The following ZNF407 variants were observed in gnomAD, a reference collection of about 807,000 sequenced individuals.
ZNF407 encodes zinc finger protein 407.
In ZNF407, 17 loss-of-function variants were observed where a neutral mutation model predicts 131.2. The observed-to-expected ratio is 0.13, with a 90% CI of 0.09 to 0.19. The LOEUF (loss-of-function observed/expected upper bound fraction) is 0.19, where lower values mean the gene tolerates loss of function less well. ZNF407 is among the 10% of genes least tolerant of loss of function. ZNF407 has a pLI of 1.00. For synonymous variants in ZNF407, 1,156 were observed against 1,062.0 expected (o/e 1.09, Z -1.72); for missense variants, 2,681 against 2,830.6 (o/e 0.95, Z 1.20).
intron 3 of ZNF407, among the ~76,000 whole-genome samples, chr18:74,729,616 A>G (rs1485617267): frequency 6.6e-6 from 1 of 152,146 alleles, no homozygotes; most frequent in East Asian, 1.9e-4. Flanking sequence ...TCTGTAGGGT[A>G]GAACATAGGT....
chr18:74,991,035 AG>A (rs1282803657), intron 8 of ZNF407, among the ~76,000 whole-genome samples: 1 of 152,204 alleles, frequency 6.6e-6, no homozygotes, highest in Non-Finnish European at 1.5e-5. Flanking sequence ...GCATACACCC[AG>A]GGGCATTAGC....
At chr18:74,864,166 A>G (rs1478737614) in intron 4 of ZNF407, among the ~76,000 whole-genome samples, 1 of 151,804 alleles carries the variant, frequency 6.6e-6, no homozygotes, top group Non-Finnish European at 1.5e-5. Context: ...TTCAAAGATT[A>G]CTCTTTGATT....
chr18:74,838,592 CAA>C, intron 4 of ZNF407, among the ~76,000 whole-genome samples: 1 of 152,082 alleles, frequency 6.6e-6, no homozygotes. Flanking sequence ...GTAAGCTACT[CAA>C]AGTTTTTTTT....
At position 75,064,321 on chromosome 18, in the gene ZNF407, G is replaced by T; in HGVS notation, c.6600G>T (p.Leu2200=). The stretch of plus-strand genomic sequence containing the variant: ...AGACTGCGGACTCGCAGGAACTCCT[G>T]CAGGCCGGGGCCACGCTAGGCACAG... ...VLETADSQEL[L]QAGATLGTEA... The change falls in exon 9 of 9, where the codon CTG becomes CTT. Residue 2200 remains leucine, a synonymous_variant. Transcript: ENST00000299687. The T allele has an allele frequency of 6.3e-7, 1 of 1,598,322 alleles. No individual in the cohort carries two copies.
chr18:75,041,421 C>T lies in ZNF407; in HGVS notation c.5429-21729C>T, dbSNP rs1973371125. 5.9e-5 allele frequency among the ~76,000 whole-genome samples: 9 copies of T among 152,208 alleles called. No homozygotes were observed. In the South Asian group the frequency reaches 1.9e-3, roughly 32 times the overall value. ...CTGTTGTCCACACACATGCACTTTCCGTCTCTTCTTACCTCTCACACACAC... is the reference window on the plus strand; with the variant it reads ...CTGTTGTCCACACACATGCACTTTCTGTCTCTTCTTACCTCTCACACACAC... On this transcript the variant is annotated intron_variant, in intron 8 of 8. Transcript: ENST00000299687.
chr18:74,821,493 T>A (rs868842201), intron 4 of ZNF407, among the ~76,000 whole-genome samples: 1 of 150,258 alleles, frequency 6.7e-6, no homozygotes, highest in Non-Finnish European at 1.5e-5. Flanking sequence ...ATTGTTCAAC[T>A]CCCACTTATG....
chr18:75,021,333 A>G (rs543126977), intron 8 of ZNF407, among the ~76,000 whole-genome samples: 1 of 151,468 alleles, frequency 6.6e-6, no homozygotes, highest in East Asian at 1.9e-4. Flanking sequence ...CAGTGGTGCA[A>G]TCATGGCTCA....
intron 4 of ZNF407, among the ~76,000 whole-genome samples, chr18:74,790,459 G>T (rs12959689): frequency 0.14 from 20,759 of 152,070 alleles, 2,539 homozygotes; most frequent in African/African-American, 0.33. Flanking sequence ...ACTCAGATTT[G>T]GGGTATAAGA....
intron 1 of ZNF407, among the ~76,000 whole-genome samples, chr18:74,619,463 T>A (rs1302344447): frequency 6.6e-6 from 1 of 152,260 alleles, no homozygotes; most frequent in Admixed American, 6.5e-5. Context: ...ATATGTTATA[T>A]GCTTTATCCT....
intron 6 of ZNF407, among the ~76,000 whole-genome samples, chr18:74,888,253 G>A (rs1327603863): frequency 1.3e-5 from 2 of 151,696 alleles, no homozygotes; most frequent in Non-Finnish European, 2.9e-5. Context: ...TTGAGAACAG[G>A]GGAGTGAGGT....
intron 1 of ZNF407, among the ~76,000 whole-genome samples, chr18:74,602,281 G>A (rs538939979): frequency 1.3e-5 from 2 of 152,334 alleles, no homozygotes; most frequent in African/African-American, 4.8e-5. Flanking sequence ...ACTGAAGGGA[G>A]AACCTTTTGC....
rs1465407403 is a variant in ZNF407 at position 74,889,989 on chromosome 18, C to T, written c.5200C>T (p.Arg1734Cys). The T allele has an allele frequency of 6.2e-7, 1 of 1,606,150 alleles. No individual in the cohort carries two copies. The highest frequency in any genetic ancestry group is 8.5e-7 in the Non-Finnish European group (1 of 1,176,084). The change falls in exon 7 of 9, where the codon CGT (arginine) becomes TGT (cysteine). Residue 1734 changes from arginine (R) to cysteine (C), a missense_variant. Coordinates refer to ENST00000299687, the MANE Select transcript of ZNF407 (RefSeq NM_017757.3). ...TCAGTCCCATTTGACTCGGCATAAA[C>T]GTGTCCACACTGGAGAAAAGCCCTA... is the stretch of plus-strand genomic sequence containing the variant. ...TTQSHLTRHK[R>C]VHTGEKPYRC...
intron 2 of ZNF407, among the ~76,000 whole-genome samples, chr18:74,636,660 A>G (rs1193371628): frequency 6.6e-6 from 1 of 152,242 alleles, no homozygotes; most frequent in East Asian, 1.9e-4. Context: ...GTTACGAGGA[A>G]GAAGACAGAA....
chr18:75,044,346 A>C (rs1236610974), intron 8 of ZNF407, among the ~76,000 whole-genome samples: 3 of 151,848 alleles, frequency 2.0e-5, no homozygotes, highest in Non-Finnish European at 4.4e-5. Context: ...TTTTTTAAAA[A>C]AAAAAACAGG....
At chr18:74,681,220 T>C (rs1220681445) in intron 3 of ZNF407, among the ~76,000 whole-genome samples, 1 of 152,018 alleles carries the variant, frequency 6.6e-6, no homozygotes, top group Non-Finnish European at 1.5e-5. Flanking sequence ...GTTACATCTG[T>C]TTTTCTTGAC....
At chr18:74,786,585 G>A (rs569776064) in intron 4 of ZNF407, among the ~76,000 whole-genome samples, 124 of 152,008 alleles carry the variant, frequency 8.2e-4, no homozygotes, top group South Asian at 7.7e-3. Flanking sequence ...TAAAGTGGAG[G>A]AAAACATGTC....
chr18:74,759,704 GCTT>G (rs1969048051), intron 3 of ZNF407, among the ~76,000 whole-genome samples: 3 of 150,314 alleles, frequency 2.0e-5, no homozygotes, highest in South Asian at 4.2e-4. Flanking sequence ...ATTTATATAT[GCTT>G]CTTTTTTTTC....
At chr18:74,641,871 G>A (rs1984736763) in intron 3 of ZNF407, among the ~76,000 whole-genome samples, 1 of 152,132 alleles carries the variant, frequency 6.6e-6, no homozygotes, top group South Asian at 2.1e-4. Flanking sequence ...CTGATTAAAA[G>A]TCTATTTTAA....
chr18:74,637,119 T>C (rs555342165), intron 2 of ZNF407, among the ~76,000 whole-genome samples: 1 of 152,352 alleles, frequency 6.6e-6, no homozygotes, highest in East Asian at 1.9e-4. Context: ...TCAATAAGTC[T>C]TGTAAATGTG....
Sources: allele counts gnomAD v4.1 joint callset (sites outside exome capture counted in the v4.1 genomes callset), GRCh38; gene constraint gnomAD v4.1.1; transcripts MANE v1.5; gene names NCBI Gene and HGNC (gene_info 2026-07-23, HGNC 2026-07-21).